The following KDM2A variants were observed in gnomAD, a reference collection of about 807,000 sequenced individuals.
The protein encoded by KDM2A is lysine demethylase 2A.
A neutral mutation model predicts 137.3 loss-of-function variants in KDM2A; 3 were observed. That is an observed-to-expected ratio of 0.02 (90% CI 0.01 to 0.06). KDM2A has a LOEUF of 0.06. Among genes scored for constraint, KDM2A ranks in the 10% least tolerant of loss-of-function variants. The pLI is 1.00. For missense variants in KDM2A, 738 were observed against 1,510.6 expected, an observed-to-expected ratio of 0.49 and a Z score of 8.48; for synonymous variants, 512 against 541.5, an observed-to-expected ratio of 0.95 and a Z score of 0.76.
chr11:67,177,070 C>T (rs1856985992), intron 2 of KDM2A, among the ~76,000 whole-genome samples: 1 of 151,954 alleles, frequency 6.6e-6, no homozygotes, highest in African/African-American at 2.4e-5. Flanking sequence ...CCAGCCTGGC[C>T]AACATGGCGA....
rs1368566195 is a variant in KDM2A at position 67,254,246 on chromosome 11, G to T, written c.3135G>T (p.Arg1045=). The change falls in exon 20 of 21, where the codon CGG becomes CGT. Residue 1045 remains arginine, a synonymous_variant. Coordinates refer to ENST00000529006, the MANE Select transcript of KDM2A (RefSeq NM_012308.3). The surrounding 1 kb of genome is among the most constrained non-coding windows in gnomAD (Gnocchi z 4.7). ...RSKLRNMTDF[R]LAGLDITDAT... ...AGCTCCGGAACATGACCGACTTCCG[G>T]CTGGCAGGCCTTGACATCACAGATG... 1.2e-6 allele frequency: 2 copies of T among 1,614,042 alleles called. No individual in the cohort carries two copies. Among genetic ancestry groups the T allele is most frequent in the South Asian group, 2.2e-5 (2 of 91,088 alleles).
At chr11:67,169,353 G>C (rs901168708) in intron 2 of KDM2A, among the ~76,000 whole-genome samples, 1 of 150,824 alleles carries the variant, frequency 6.6e-6, no homozygotes, top group East Asian at 1.9e-4. Context: ...ATAGTGACAA[G>C]ATTGGTTTCT....
intron 10 of KDM2A, among the ~76,000 whole-genome samples, chr11:67,227,165 G>A (rs1858571643): frequency 1.3e-5 from 2 of 152,158 alleles, no homozygotes; most frequent in South Asian, 4.2e-4. Flanking sequence ...TAAGTCGTAT[G>A]GAACATTAAT....
chr11:67,231,440 C>G, intron 11 of KDM2A, 126 bp from the exon 12 acceptor site: 1 of 863,430 alleles, frequency 1.2e-6, no homozygotes, highest in Admixed American at 3.0e-5. Context: ...TAAAGATAGA[C>G]CATTTTTTTA....
intron 2 of KDM2A, among the ~76,000 whole-genome samples, chr11:67,128,008 C>A (rs1241487722): frequency 1.4e-5 from 2 of 139,592 alleles, no homozygotes; most frequent in Admixed American, 1.4e-4. Context: ...GCACACCCGG[C>A]CTTTTTTTTT....
At chr11:67,172,885 G>A (rs1856907359) in intron 2 of KDM2A, among the ~76,000 whole-genome samples, 1 of 151,790 alleles carries the variant, frequency 6.6e-6, no homozygotes, top group Non-Finnish European at 1.5e-5. Context: ...CATTAAGTAT[G>A]TTTTTCTCTT....
At chr11:67,207,430 C>G in intron 5 of KDM2A, 80 bp from the exon 6 acceptor site, 4 of 1,123,604 alleles carry the variant, frequency 3.6e-6, no homozygotes, top group Non-Finnish European at 4.8e-6. Context: ...ATTTTTTCTT[C>G]TACTTTTTAA....
intron 11 of KDM2A, among the ~76,000 whole-genome samples, chr11:67,229,241 AG>A (rs1858638170): frequency 6.6e-6 from 1 of 152,204 alleles, no homozygotes; most frequent in Non-Finnish European, 1.5e-5. Context: ...ATGATCTTAA[AG>A]TTAATAAGTG....
At chr11:67,187,318 A>T (rs1210438939) in intron 5 of KDM2A, among the ~76,000 whole-genome samples, 1 of 152,160 alleles carries the variant, frequency 6.6e-6, no homozygotes, top group Non-Finnish European at 1.5e-5. Flanking sequence ...TACTTTAAAT[A>T]TAAGTGGATT....
intron 11 of KDM2A, 132 bp downstream of exon 11, chr11:67,228,295 C>T: frequency 1.1e-6 from 1 of 951,746 alleles, no homozygotes; most frequent in Non-Finnish European, 1.6e-6. Context: ...CCAAATTCAT[C>T]ACTGGAATTG....
chr11:67,230,233 C>A (rs1292367514), intron 11 of KDM2A, among the ~76,000 whole-genome samples: 1 of 151,970 alleles, frequency 6.6e-6, no homozygotes, highest in African/African-American at 2.4e-5. Context: ...ACCTGTAGTC[C>A]CAGCTAGTTG....
intron 10 of KDM2A, among the ~76,000 whole-genome samples, chr11:67,223,840 G>A (rs1418676612): frequency 6.6e-6 from 1 of 152,210 alleles, no homozygotes; most frequent in African/African-American, 2.4e-5. Flanking sequence ...AAAGGCTAAT[G>A]GAGAGGCGTA....
intron 2 of KDM2A, among the ~76,000 whole-genome samples, chr11:67,177,126 C>T (rs909929982): frequency 3.3e-5 from 5 of 151,644 alleles, no homozygotes; most frequent in Non-Finnish European, 5.9e-5. Context: ...GCATATTACT[C>T]GGGAGGCTGA....
chr11:67,205,994 G>T (rs1857794543), intron 5 of KDM2A, among the ~76,000 whole-genome samples: 1 of 152,038 alleles, frequency 6.6e-6, no homozygotes, highest in African/African-American at 2.4e-5. Flanking sequence ...ACTGCCGCTT[G>T]AGCACCTACT....
rs200744426 is a variant in KDM2A at position 67,250,307 on chromosome 11, G to A, written c.2277G>A (p.Arg759=). The A allele has an allele frequency of 6.2e-7, 1 of 1,613,934 alleles. No homozygotes were observed. The highest frequency in any genetic ancestry group is 8.5e-7 in the Non-Finnish European group (1 of 1,179,894). ...CCAGCCGCGATGAGCGCTTCAAACG[G>A]CGGCAGTTGCTGCGGCTGCAGGCCA... ...HSASRDERFK[R]RQLLRLQATE... The change falls in exon 17 of 21, where the codon CGG becomes CGA. Residue 759 remains arginine, a synonymous_variant. Transcript: ENST00000529006. This position sits in a 1 kb window ranked among gnomAD's most constrained non-coding sequence, Gnocchi z 7.1.
intron 2 of KDM2A, among the ~76,000 whole-genome samples, chr11:67,122,327 A>G (rs757560917): frequency 1.3e-5 from 2 of 152,026 alleles, no homozygotes; most frequent in Admixed American, 1.3e-4. Context: ...CTTCTTTATT[A>G]TTTATTTATT....
rs74581113 is a variant in KDM2A at position 67,246,169 on chromosome 11, A to G, written c.1965+53A>G. 4.3e-4 allele frequency: 692 copies of G among 1,597,604 alleles called. 2 individuals carry two copies. In the Middle Eastern group the frequency reaches 6.9e-3, roughly 16 times the overall value. ...AGTCTCAGCTAATGGAGTGAGTGAC[A>G]CAACAGAATGGGACACTTGTGATGG... On this transcript the variant is annotated intron_variant, in intron 15 of 20. Coordinates refer to ENST00000529006, the MANE Select transcript of KDM2A (RefSeq NM_012308.3).
intron 2 of KDM2A, among the ~76,000 whole-genome samples, chr11:67,122,739 A>T (rs1194440830): frequency 6.7e-6 from 1 of 149,678 alleles, no homozygotes; most frequent in African/African-American, 2.5e-5. Flanking sequence ...GCAGTGGCGC[A>T]ATCTCTGCTC....
chr11:67,152,319 A>T (rs1007514514), intron 2 of KDM2A, among the ~76,000 whole-genome samples: 2 of 150,734 alleles, frequency 1.3e-5, no homozygotes, highest in Non-Finnish European at 3.0e-5. Flanking sequence ...TCTCAACAAA[A>T]AATTAATTTC....
Sources: allele counts gnomAD v4.1 joint callset (sites outside exome capture counted in the v4.1 genomes callset), GRCh38; gene constraint gnomAD v4.1.1; non-coding constraint Gnocchi (gnomAD v3.1); transcripts MANE v1.5; gene names NCBI Gene and HGNC (gene_info 2026-07-23, HGNC 2026-07-21).